Variants in SLC17A8 observed in about 807,000 individuals in gnomAD.
SLC17A8 encodes solute carrier family 17 member 8.
In SLC17A8, 31 loss-of-function variants were observed where a neutral mutation model predicts 58.0. That is an observed-to-expected ratio of 0.53 (90% CI 0.40 to 0.72). The LOEUF (loss-of-function observed/expected upper bound fraction) is 0.72, where lower values mean the gene tolerates loss of function less well. SLC17A8 is among the 30% of genes least tolerant of loss of function. The pLI is 0.00. For missense variants in SLC17A8, 655 were observed against 727.8 expected, an observed-to-expected ratio of 0.90 and a Z score of 1.15; for synonymous variants, 228 against 249.0, an observed-to-expected ratio of 0.92 and a Z score of 0.79.
rs941480225 is a variant in SLC17A8, at chr12:100,417,940, T to G, written c.1298-89T>G. ...ATATACTAGAGGAAACCAAACAGAT[T>G]GGTAAAGGCTGGGGCAACTGAGTAT... On this transcript the variant is annotated intron_variant, in intron 10 of 11. Transcript: ENST00000323346. The G allele has an allele frequency of 3.9e-6, 6 of 1,545,402 alleles. No individual in the cohort carries two copies. In the East Asian group the frequency reaches 1.3e-4, roughly 35 times the overall value.
intron 7 of SLC17A8, 54 bp downstream of exon 7, chr12:100,402,533 G>C (rs1952799308): frequency 6.2e-7 from 1 of 1,612,764 alleles, no homozygotes; most frequent in South Asian, 1.1e-5. Context: ...TGATTGTGTT[G>C]CCTTCTTACA....
intron 1 of SLC17A8, among the ~76,000 whole-genome samples, chr12:100,378,060 T>C (rs1952607414): frequency 6.6e-6 from 1 of 152,146 alleles, no homozygotes; most frequent in African/African-American, 2.4e-5. Flanking sequence ...GTTATAAAGA[T>C]TGGGAGCTGT....
At chr12:100,391,320 T>C (rs1952714657) in intron 3 of SLC17A8, among the ~76,000 whole-genome samples, 1 of 152,090 alleles carries the variant, frequency 6.6e-6, no homozygotes, top group Non-Finnish European at 1.5e-5. Flanking sequence ...TGTCTCACTC[T>C]GTCACCCAGG....
At chr12:100,364,214 C>T (rs1952503835) in intron 1 of SLC17A8, among the ~76,000 whole-genome samples, 2 of 152,184 alleles carry the variant, frequency 1.3e-5, no homozygotes, top group Admixed American at 1.3e-4. Flanking sequence ...TGTGAGATCC[C>T]ATGTTGAGAA....
intron 1 of SLC17A8, among the ~76,000 whole-genome samples, chr12:100,359,063 C>T (rs191763633): frequency 6.6e-4 from 100 of 152,178 alleles, no homozygotes; most frequent in African/African-American, 1.6e-3. Context: ...TGAGCCCAGA[C>T]ATTCAAGGTT....
intron 1 of SLC17A8, among the ~76,000 whole-genome samples, chr12:100,360,229 A>C (rs1952475885): frequency 1.3e-5 from 2 of 152,238 alleles, no homozygotes. Flanking sequence ...TTTAGTATTG[A>C]ATTATATAGA....
At chr12:100,361,434 C>T (rs1217960105) in intron 1 of SLC17A8, among the ~76,000 whole-genome samples, 1 of 152,192 alleles carries the variant, frequency 6.6e-6, no homozygotes, top group Non-Finnish European at 1.5e-5. Flanking sequence ...CTCATTCCCT[C>T]GCTTTCTTCA....
Position 100,395,473 on chromosome 12 carries a change from A to C in SLC17A8, c.589-857A>C, listed in dbSNP as rs1411972008. Among the ~76,000 whole-genome samples the C allele has an allele frequency of 2.0e-5, 3 of 152,112 alleles. No individual in the cohort carries two copies. In the East Asian group the frequency reaches 5.8e-4, roughly 29 times the overall value. On this transcript the variant is annotated intron_variant, in intron 4 of 11. Coordinates refer to ENST00000323346, the MANE Select transcript of SLC17A8 (RefSeq NM_139319.3). ...CCTGCATAGCTGGGATAACAGGCAC[A>C]TGCCACTGCACCCGGCTAATTTTTG...
intron 1 of SLC17A8, among the ~76,000 whole-genome samples, chr12:100,358,804 T>C (rs1457498432): frequency 6.6e-6 from 1 of 152,220 alleles, no homozygotes; most frequent in Non-Finnish European, 1.5e-5. Flanking sequence ...GATAGCTTAA[T>C]TGGCTTATTC....
At chr12:100,366,648 A>C (rs1182662750) in intron 1 of SLC17A8, among the ~76,000 whole-genome samples, 1 of 152,168 alleles carries the variant, frequency 6.6e-6, no homozygotes, top group African/African-American at 2.4e-5. Context: ...TTAGTCACGG[A>C]ACCTTCGGTC....
chr12:100,357,609 T>G, intron 1 of SLC17A8, 117 bp downstream of exon 1: 1 of 741,542 alleles, frequency 1.3e-6, no homozygotes, highest in Non-Finnish European at 2.4e-6. Context: ...ATGGGTCAGA[T>G]TAGATCCTTC....
intron 1 of SLC17A8, among the ~76,000 whole-genome samples, chr12:100,380,221 A>T (rs1189920828): frequency 6.6e-6 from 1 of 151,134 alleles, no homozygotes; most frequent in East Asian, 1.9e-4. Flanking sequence ...AAAAAAAAAA[A>T]GACTTAGAAA....
rs116027930 is a variant in SLC17A8 at position 100,374,937 on chromosome 12, G to T, written c.102-5764G>T. ...TTCAGGTCAGCCAGCTGTAGGTCCT[G>T]CTTCTTGTGGAGCCCACAGCTCCTT... On this transcript the variant is annotated intron_variant, in intron 1 of 11. Transcript: ENST00000323346. Among the ~76,000 whole-genome samples the T allele has an allele frequency of 6.8e-3, 1,030 of 152,052 alleles. 18 individuals carry two copies. The highest frequency in any genetic ancestry group is 0.023 in the African/African-American group (967 of 41,452).
At chr12:100,395,376 G>C (rs1202304530) in intron 4 of SLC17A8, among the ~76,000 whole-genome samples, 5 of 150,532 alleles carry the variant, frequency 3.3e-5, no homozygotes, top group Non-Finnish European at 7.4e-5. Flanking sequence ...ACCGAGGCTG[G>C]AGGCAGTGGT....
In SLC17A8 at chr12:100,421,471, A is replaced by G. The variant is rs1952947718; in HGVS notation, c.*1312A>G. On this transcript the variant is annotated 3_prime_UTR_variant, in exon 12 of 12. Coordinates refer to ENST00000323346, the MANE Select transcript of SLC17A8 (RefSeq NM_139319.3). Reference sequence around the variant, plus strand: ...GTTACTGTTGAAAAATTCACCTTTGATTGCATAAGGCAATTACATGGATAC... The same window carrying G: ...GTTACTGTTGAAAAATTCACCTTTGGTTGCATAAGGCAATTACATGGATAC... 6.6e-6 allele frequency: 1 copy of G among 152,144 alleles called. No individual in the cohort carries two copies. Among genetic ancestry groups the G allele is most frequent in the Non-Finnish European group, 1.5e-5 (1 of 67,996 alleles). 9.4% of individuals were successfully genotyped at this position (152,144 alleles called of 1,614,324 possible).
At chr12:100,374,017 C>A (rs530011856) in intron 1 of SLC17A8, among the ~76,000 whole-genome samples, 1 of 152,254 alleles carries the variant, frequency 6.6e-6, no homozygotes, top group South Asian at 2.1e-4. Context: ...GAGACCCTAA[C>A]GTTCAGGCAA....
intron 10 of SLC17A8, among the ~76,000 whole-genome samples, chr12:100,416,244 T>C (rs1952905752): frequency 6.6e-6 from 1 of 152,252 alleles, no homozygotes; most frequent in Non-Finnish European, 1.5e-5. Flanking sequence ...TATCTTTAGC[T>C]GAATGCAGAT....
intron 1 of SLC17A8, among the ~76,000 whole-genome samples, chr12:100,359,255 C>A (rs942055868): frequency 1.3e-5 from 2 of 152,148 alleles, no homozygotes; most frequent in African/African-American, 4.8e-5. Flanking sequence ...TAGGAATTTT[C>A]TTTTCAACCT....
At chr12:100,375,808 A>G (rs1174852350) in intron 1 of SLC17A8, among the ~76,000 whole-genome samples, 4 of 152,198 alleles carry the variant, frequency 2.6e-5, no homozygotes, top group South Asian at 2.1e-4. Flanking sequence ...ACATGCATCA[A>G]TCATTGAACA....
Sources: gnomAD v4.1 joint callset for allele counts (sites outside exome capture counted in the v4.1 genomes callset) on GRCh38, gnomAD v4.1.1 for gene constraint, MANE v1.5 for transcripts, NCBI Gene and HGNC (gene_info 2026-07-23, HGNC 2026-07-21) for gene names.